Variants in SYTL5 observed in about 807,000 individuals in gnomAD.
SYTL5 encodes synaptotagmin like 5.
A neutral mutation model predicts 55.9 loss-of-function variants in SYTL5; 34 were observed. The observed-to-expected ratio is 0.61, with a 90% CI of 0.46 to 0.81. The LOEUF (loss-of-function observed/expected upper bound fraction) is 0.81, where lower values mean the gene tolerates loss of function less well. SYTL5 is among the 30% of genes least tolerant of loss of function. The pLI is 0.00. For synonymous variants in SYTL5, 221 were observed against 188.7 expected (o/e 1.17, Z -1.40); for missense variants, 637 against 546.7 (o/e 1.17, Z -1.65).
At chrX:38,055,209 G>A (rs990379002) in intron 3 of SYTL5, among the ~76,000 whole-genome samples, 1 of 111,654 alleles carries the variant, frequency 9.0e-6, no homozygotes, top group Non-Finnish European at 1.9e-5. Flanking sequence ...AGTACTTCCC[G>A]AATTTCCTCC....
At chrX:37,914,603 A>G in the SYTL5 span, among the ~76,000 whole-genome samples, 1 of 111,970 alleles carries the variant, frequency 8.9e-6, no homozygotes, top group Non-Finnish European at 1.9e-5. Flanking sequence ...GGGATAAGGT[A>G]GGAGCAGATA....
the SYTL5 span, among the ~76,000 whole-genome samples, chrX:37,961,871 C>T: frequency 9.0e-6 from 1 of 111,645 alleles, no homozygotes; most frequent in African/African-American, 3.3e-5. Context: ...CTTAATCTTT[C>T]TAATGCATAT....
At chrX:38,098,021 A>G (rs1936982276) in intron 9 of SYTL5, among the ~76,000 whole-genome samples, 2 of 111,274 alleles carry the variant, frequency 1.8e-5, no homozygotes, top group South Asian at 7.3e-4. Flanking sequence ...AACATATACC[A>G]TGCAGAAATT....
intron 1 of SYTL5, among the ~76,000 whole-genome samples, chrX:38,030,088 G>A (rs994483773): frequency 9.9e-5 from 11 of 111,276 alleles, no homozygotes; most frequent in Non-Finnish European, 2.1e-4. Flanking sequence ...ATCTCTCAGC[G>A]GTGGGTGGGG....
intron 6 of SYTL5, among the ~76,000 whole-genome samples, chrX:38,079,905 G>T (rs373710301): frequency 7.1e-5 from 8 of 112,400 alleles, no homozygotes; most frequent in African/African-American, 2.6e-4. Flanking sequence ...GATACAGGAT[G>T]CCCAGGTATG....
chrX:37,926,115 A>G, the SYTL5 span, among the ~76,000 whole-genome samples: 1 of 111,839 alleles, frequency 8.9e-6, no homozygotes, highest in Admixed American at 9.5e-5. Context: ...TCCTCTGGGT[A>G]GATACCCAGT....
intron 3 of SYTL5, among the ~76,000 whole-genome samples, chrX:38,055,113 A>C (rs1481919422): frequency 9.0e-6 from 1 of 111,612 alleles, no homozygotes; most frequent in African/African-American, 3.3e-5. Context: ...AATTTCCCTG[A>C]GACATTCTTA....
At chrX:37,968,508 G>T in the SYTL5 span, among the ~76,000 whole-genome samples, 1 of 111,537 alleles carries the variant, frequency 9.0e-6, no homozygotes, top group South Asian at 3.8e-4. Context: ...TTCTGTGGGA[G>T]GGGCACCCAT....
At chrX:38,034,975 C>T (rs1244722644) in intron 2 of SYTL5, among the ~76,000 whole-genome samples, 2 of 111,807 alleles carry the variant, frequency 1.8e-5, no homozygotes, top group African/African-American at 6.5e-5. Flanking sequence ...GTTTATTTTA[C>T]CTGAGGAGAA....
rs1937056077 is a variant in SYTL5 at position 38,100,508 on chromosome X, A to C, written c.1063-1834A>C. On this transcript the variant is annotated intron_variant, in intron 9 of 16. Transcript: ENST00000297875. ...AGCAAATTTTGAACAAGTATTTCAC[A>C]AAACAGGAAATCCAGTTGGCTGATT... is the stretch of plus-strand genomic sequence containing the variant. 4.5e-5 allele frequency among the ~76,000 whole-genome samples: 5 copies of C among 111,633 alleles called. No homozygotes were observed. In the South Asian group the frequency reaches 1.9e-3, roughly 41 times the overall value.
chrX:38,011,352 C>T (rs1010290888), intron 1 of SYTL5, among the ~76,000 whole-genome samples: 2 of 111,860 alleles, frequency 1.8e-5, no homozygotes, highest in Non-Finnish European at 3.8e-5. Context: ...ATACTGCTGG[C>T]CGGGCGCGGT....
chrX:37,981,721 TAGTGGAATTTAATGGCTGGATGTGATC>T, the SYTL5 span, among the ~76,000 whole-genome samples: 1 of 111,555 alleles, frequency 9.0e-6, no homozygotes, highest in Non-Finnish European at 1.9e-5. Context: ...AGCCAGTAAT[TAGTGGAATTTAATGGCTGGATGTGATC>T]AGGGAAAGAG....
chrX:38,070,615 C>A (rs1936234140), intron 3 of SYTL5, among the ~76,000 whole-genome samples: 1 of 111,282 alleles, frequency 9.0e-6, no homozygotes, highest in African/African-American at 3.3e-5. Context: ...CTCTTTACCT[C>A]AGCATTCAAA....
At chrX:38,036,878 C>T (rs1180765677) in intron 2 of SYTL5, among the ~76,000 whole-genome samples, 1 of 111,892 alleles carries the variant, frequency 8.9e-6, no homozygotes, top group Non-Finnish European at 1.9e-5. Context: ...GCTAATATTA[C>T]AAACAGCTTA....
chrX:37,958,141 G>A, the SYTL5 span, among the ~76,000 whole-genome samples: 7 of 108,780 alleles, frequency 6.4e-5, no homozygotes, highest in Non-Finnish European at 1.1e-4. Flanking sequence ...CCTGGGAGGC[G>A]AAGGTTACAG....
chrX:38,109,438 C>T (rs1937302808), intron 12 of SYTL5, among the ~76,000 whole-genome samples: 1 of 110,340 alleles, frequency 9.1e-6, no homozygotes, highest in African/African-American at 3.3e-5. Flanking sequence ...TTGGTAAAGG[C>T]AGAAAGCCAC....
intron 2 of SYTL5, among the ~76,000 whole-genome samples, chrX:38,049,585 C>T (rs914690744): frequency 1.8e-5 from 2 of 111,337 alleles, no homozygotes; most frequent in African/African-American, 6.5e-5. Context: ...GAAGAGGATT[C>T]TCCCTCTTCC....
chrX:38,040,161 G>A (rs1344418535), intron 2 of SYTL5, among the ~76,000 whole-genome samples: 1 of 102,169 alleles, frequency 9.8e-6, no homozygotes, highest in African/African-American at 4.0e-5. Context: ...GCGACAGAGC[G>A]AGACTCCATC....
At chrX:37,939,191 G>A in the SYTL5 span, among the ~76,000 whole-genome samples, 3 of 108,484 alleles carry the variant, frequency 2.8e-5, no homozygotes, top group African/African-American at 1.0e-4. Flanking sequence ...AACTTGGAAG[G>A]CAGAGGTTGC....
Sources: gnomAD v4.1 joint callset for allele counts (sites outside exome capture counted in the v4.1 genomes callset) on GRCh38, gnomAD v4.1.1 for gene constraint, MANE v1.5 for transcripts, NCBI Gene and HGNC (gene_info 2026-07-23, HGNC 2026-07-21) for gene names.